The following PLCB1 variants were observed in gnomAD, a reference collection of about 807,000 sequenced individuals.
The protein encoded by PLCB1 is 1-phosphatidylinositol 4,5-bisphosphate phosphodiesterase beta-1.
A neutral mutation model predicts 161.8 loss-of-function variants in PLCB1; 46 were observed. The ratio of observed to expected loss-of-function variants is 0.28; its 90% CI spans 0.22 to 0.36. PLCB1 has a LOEUF of 0.36. Ranked by LOEUF, PLCB1 falls within the 10% of genes least tolerant of loss-of-function variation. PLCB1 has a pLI of 1.00. For synonymous variants in PLCB1, 517 were observed against 503.7 expected (o/e 1.03, Z -0.35); for missense variants, 1,016 against 1,472.5 (o/e 0.69, Z 5.07).
chr20:8,321,613 T>C (rs1984922978), intron 2 of PLCB1, among the ~76,000 whole-genome samples: 1 of 152,170 alleles, frequency 6.6e-6, no homozygotes, highest in African/African-American at 2.4e-5. Flanking sequence ...CGGTACCCCA[T>C]AGTCCTCAAA....
At chr20:8,153,380 T>C (rs1166672870) in intron 2 of PLCB1, among the ~76,000 whole-genome samples, 3 of 152,086 alleles carry the variant, frequency 2.0e-5, no homozygotes, top group Non-Finnish European at 4.4e-5. Flanking sequence ...TGTGTAAGTG[T>C]AGGTGATGTG....
At chr20:8,174,089 A>G (rs1029327176) in intron 2 of PLCB1, among the ~76,000 whole-genome samples, 11 of 152,224 alleles carry the variant, frequency 7.2e-5, no homozygotes, top group Admixed American at 1.3e-4. Context: ...TGAATAAATC[A>G]TGGCTGAAAA....
At chr20:8,253,471 A>G (rs893084468) in intron 2 of PLCB1, among the ~76,000 whole-genome samples, 4 of 151,984 alleles carry the variant, frequency 2.6e-5, no homozygotes, top group South Asian at 2.1e-4. Flanking sequence ...ATTTGCCACT[A>G]GGTCTGAGAA....
At chr20:8,330,719 G>T (rs576359991) in intron 2 of PLCB1, among the ~76,000 whole-genome samples, 1 of 152,310 alleles carries the variant, frequency 6.6e-6, no homozygotes, top group African/African-American at 2.4e-5. Context: ...CAAACTTATT[G>T]ACATGTAACA....
chr20:8,661,642 C>T (rs1989625201), intron 9 of PLCB1, among the ~76,000 whole-genome samples: 1 of 151,932 alleles, frequency 6.6e-6, no homozygotes, highest in East Asian at 1.9e-4. Context: ...ATGATAGCTG[C>T]CTTGTTTTAG....
intron 3 of PLCB1, among the ~76,000 whole-genome samples, chr20:8,520,716 C>A (rs1240552759): frequency 1.3e-5 from 2 of 152,144 alleles, no homozygotes; most frequent in African/African-American, 4.8e-5. Flanking sequence ...GTATAAATAA[C>A]TTTTATTTCT....
intron 31 of PLCB1, among the ~76,000 whole-genome samples, chr20:8,871,826 T>C (rs1987619584): frequency 6.6e-6 from 1 of 152,216 alleles, no homozygotes; most frequent in Admixed American, 6.5e-5. Context: ...TCTCTCTTTT[T>C]AAAAATGAGG....
At chr20:8,857,168 G>C (rs530627295) in intron 31 of PLCB1, among the ~76,000 whole-genome samples, 1 of 152,310 alleles carries the variant, frequency 6.6e-6, no homozygotes, top group Non-Finnish European at 1.5e-5. Context: ...GGTTTCAATA[G>C]CAAGAGTAGA....
intron 2 of PLCB1, among the ~76,000 whole-genome samples, chr20:8,286,833 A>G (rs886144941): frequency 1.3e-5 from 2 of 152,120 alleles, no homozygotes; most frequent in African/African-American, 4.8e-5. Context: ...TTTTTAATAT[A>G]ATACTTTCTC....
At chr20:8,775,293 C>G (rs1982891381) in intron 27 of PLCB1, among the ~76,000 whole-genome samples, 1 of 152,108 alleles carries the variant, frequency 6.6e-6, no homozygotes, top group Non-Finnish European at 1.5e-5. Context: ...TTGAGACATT[C>G]TCTCCATTTT....
intron 9 of PLCB1, among the ~76,000 whole-genome samples, chr20:8,671,184 C>T (rs1426872053): frequency 5.3e-5 from 8 of 152,266 alleles, no homozygotes; most frequent in East Asian, 1.9e-4. Context: ...GATTATTCTA[C>T]GTGGATTTAT....
At chr20:8,149,573 C>A (rs1162831896) in intron 1 of PLCB1, among the ~76,000 whole-genome samples, 3 of 152,108 alleles carry the variant, frequency 2.0e-5, no homozygotes, top group Non-Finnish European at 2.9e-5. Context: ...CTGCAAAGGC[C>A]TGAGTGTTTC....
intron 3 of PLCB1, among the ~76,000 whole-genome samples, chr20:8,478,371 GA>G (rs1009753579): frequency 4.0e-5 from 6 of 149,556 alleles, no homozygotes; most frequent in Admixed American, 1.3e-4. Context: ...AGACTGAGCA[GA>G]AAAAAAAAAT....
At chr20:8,873,797 C>CCTTATGATT (rs1416115952) in intron 31 of PLCB1, among the ~76,000 whole-genome samples, 2 of 151,886 alleles carry the variant, frequency 1.3e-5, no homozygotes, top group Non-Finnish European at 2.9e-5. Flanking sequence ...TAAGTGAGAG[C>CCTTATGATT]CTTATGATTT....
chr20:8,816,742 A>G (rs1417275900), intron 31 of PLCB1, among the ~76,000 whole-genome samples: 3 of 152,168 alleles, frequency 2.0e-5, no homozygotes, highest in Non-Finnish European at 4.4e-5. Context: ...CTTTGCAGCT[A>G]TCCATATTGT....
intron 3 of PLCB1, among the ~76,000 whole-genome samples, chr20:8,415,877 G>A (rs576824624): frequency 3.9e-5 from 6 of 152,340 alleles, no homozygotes; most frequent in Non-Finnish European, 8.8e-5. Context: ...AAGTCTGCTA[G>A]TGGTCAGTTT....
intron 3 of PLCB1, among the ~76,000 whole-genome samples, chr20:8,538,773 C>T (rs1985154481): frequency 1.3e-5 from 2 of 151,578 alleles, no homozygotes; most frequent in African/African-American, 4.8e-5. Context: ...CTTTCTATTC[C>T]CCATTTTATT....
intron 31 of PLCB1, among the ~76,000 whole-genome samples, chr20:8,837,357 A>G (rs1986328021): frequency 6.6e-6 from 1 of 152,226 alleles, no homozygotes; most frequent in Non-Finnish European, 1.5e-5. Context: ...CTAATTTATA[A>G]TAGAAAAGTT....
intron 2 of PLCB1, among the ~76,000 whole-genome samples, chr20:8,199,081 C>T (rs2052061437): frequency 6.6e-6 from 1 of 151,768 alleles, no homozygotes; most frequent in Non-Finnish European, 1.5e-5. Context: ...ATTTTATTTA[C>T]CAAAAGTGTG....
Sources: allele counts gnomAD v4.1 joint callset (sites outside exome capture counted in the v4.1 genomes callset), GRCh38; gene constraint gnomAD v4.1.1; transcripts MANE v1.5; gene names NCBI Gene and HGNC (gene_info 2026-07-23, HGNC 2026-07-21).